ATR: variants seen among roughly 807,000 people sequenced by gnomAD.
ATR encodes the protein serine/threonine-protein kinase ATR.
ATR carries 142 observed loss-of-function variants against 305.3 expected under a neutral mutation model. The observed-to-expected ratio is 0.47, with a 90% confidence interval of 0.41 to 0.53. The LOEUF (loss-of-function observed/expected upper bound fraction) is 0.53. Ranked by LOEUF, ATR falls within the 20% of genes least tolerant of loss-of-function variation. The pLI is 0.00. For missense variants in ATR, 2,135 were observed against 3,133.1 expected, an observed-to-expected ratio of 0.68 and a Z score of 7.60; for synonymous variants, 1,050 against 1,068.1, an observed-to-expected ratio of 0.98 and a Z score of 0.33.
chr3:142,462,690 G>A (rs1407589609), intron 41 of ATR, among the ~76,000 whole-genome samples: 1 of 152,002 alleles, frequency 6.6e-6, no homozygotes, highest in East Asian at 1.9e-4. Context: ...GGATGGTCTC[G>A]ATCTCCTGAC....
intron 29 of ATR, among the ~76,000 whole-genome samples, chr3:142,504,189 G>A (rs528948880): frequency 6.6e-6 from 1 of 152,220 alleles, no homozygotes; most frequent in South Asian, 2.1e-4. Flanking sequence ...TAGACACACA[G>A]CTTATTCCCA....
At chr3:142,485,609 A>C (rs2030865370) in intron 35 of ATR, among the ~76,000 whole-genome samples, 1 of 152,112 alleles carries the variant, frequency 6.6e-6, no homozygotes, top group Non-Finnish European at 1.5e-5. Context: ...ATTTTTTTAT[A>C]CATATATATG....
intron 36 of ATR, among the ~76,000 whole-genome samples, chr3:142,472,741 G>A (rs559791356): frequency 6.6e-6 from 1 of 152,182 alleles, no homozygotes; most frequent in Admixed American, 6.5e-5. Context: ...AGGCTAAAGT[G>A]ATGCCCCTGC....
chr3:142,505,151 T>C lies in ATR; in HGVS notation c.5184A>G (p.Leu1728=), dbSNP rs1050996774. Reference sequence around the variant, plus strand: ...ATTATTATCTTACCTGGTCTGGTTCTAGCTGAATAGCCCTGTCATAACAAG... The same window carrying C: ...ATTATTATCTTACCTGGTCTGGTTCCAGCTGAATAGCCCTGTCATAACAAG... ...ATACYDRAIQ[L]EPDQIIHYHG... is the part of the protein sequence containing the mutation. The change falls in exon 29 of 47, where the codon CTA becomes CTG. Residue 1728 remains leucine, a synonymous_variant. Transcript: ENST00000350721. The C allele has an allele frequency of 2.5e-6, 4 of 1,614,088 alleles. No homozygotes were observed. The highest frequency in any genetic ancestry group is 2.2e-5 in the East Asian group (1 of 44,884).
intron 1 of ATR, among the ~76,000 whole-genome samples, chr3:142,573,076 C>T (rs1354423661): frequency 1.3e-5 from 2 of 152,198 alleles, no homozygotes; most frequent in Non-Finnish European, 2.9e-5. Context: ...GCCTCTGCTA[C>T]ATCACCTAGA....
chr3:142,497,026 T>C lies in ATR; in HGVS notation c.5725A>G (p.Ser1909Gly). The C allele has an allele frequency of 6.2e-7, 1 of 1,612,704 alleles. No individual in the cohort carries two copies. Among genetic ancestry groups the C allele is most frequent in the Non-Finnish European group, 8.5e-7 (1 of 1,179,668 alleles). Reference sequence around the variant, plus strand: ...AGTGTGAGAAACCTTTTGTTGAGGCTTAGTAAAGCCCTCCGGAGAGCCAGG... The same window carrying C: ...AGTGTGAGAAACCTTTTGTTGAGGCCTAGTAAAGCCCTCCGGAGAGCCAGG... ...PILALRRALL[S>G]LNKRPDYNEM... The change falls in exon 33 of 47, where the codon AGC (serine) becomes GGC (glycine). Residue 1909 changes from serine (S) to glycine (G), a missense_variant. By Grantham distance (56) the Ser-to-Gly change is moderately conservative. Coordinates refer to ENST00000350721, the MANE Select transcript of ATR (RefSeq NM_001184.4).
Position 142,453,333 on chromosome 3 carries a change from C to T in ATR, c.7656-100G>A, listed in dbSNP as rs1416047996. On this transcript the variant is annotated intron_variant, in intron 45 of 46. Coordinates refer to ENST00000350721, the MANE Select transcript of ATR (RefSeq NM_001184.4). ...GAAGGATGAGAAGCTAATGGTAATA[C>T]TCTTATAATACACATTACTACGTCT... The T allele has an allele frequency of 1.9e-5, 26 of 1,368,598 alleles. 1 individual carries two copies. The South Asian group carries it at 2.8e-4, about 15-fold the overall frequency. 84.8% of individuals were successfully genotyped at this position (1,368,598 alleles called of 1,614,324 possible). A position where few individuals can be genotyped will look rare whatever the true frequency, so the allele number is the denominator to read the frequency against.
intron 42 of ATR, 57 bp from the exon 43 acceptor site, chr3:142,459,440 GT>G (rs928544213): frequency 5.2e-5 from 82 of 1,586,684 alleles, no homozygotes; most frequent in Non-Finnish European, 6.1e-5. Context: ...AAGGGGCAAA[GT>G]TTTTTTTGTT....
intron 15 of ATR, 51 bp from the exon 16 acceptor site, chr3:142,547,961 G>A (rs1455264989): frequency 2.7e-6 from 4 of 1,490,236 alleles, no homozygotes; most frequent in Non-Finnish European, 3.7e-6. Context: ...CTAATATCCT[G>A]GAAATAAGTA....
intron 5 of ATR, among the ~76,000 whole-genome samples, 157 bp downstream of exon 5, chr3:142,561,086 T>C (rs2034862376): frequency 6.6e-6 from 1 of 152,254 alleles, no homozygotes; most frequent in Admixed American, 6.5e-5. Flanking sequence ...ACTAACCGTC[T>C]ACAATAATTA....
chr3:142,561,683 T>G (rs541139663), intron 4 of ATR, among the ~76,000 whole-genome samples: 2 of 152,306 alleles, frequency 1.3e-5, no homozygotes, highest in East Asian at 3.9e-4. Flanking sequence ...AAATTTTAAT[T>G]CCCTTATAAA....
At chr3:142,457,425 A>T (rs1012200302) in intron 45 of ATR, among the ~76,000 whole-genome samples, 179 bp downstream of exon 45, 4 of 152,208 alleles carry the variant, frequency 2.6e-5, no homozygotes, top group Admixed American at 2.6e-4. Context: ...AAACCACTGA[A>T]TTATGTACTT....
intron 28 of ATR, among the ~76,000 whole-genome samples, chr3:142,506,389 C>G (rs2032237487): frequency 6.6e-6 from 1 of 152,076 alleles, no homozygotes; most frequent in Non-Finnish European, 1.5e-5. Flanking sequence ...AGGAAGAAAT[C>G]CTTCCTTAAA....
intron 36 of ATR, among the ~76,000 whole-genome samples, chr3:142,473,831 G>A (rs1003540963): frequency 7.2e-5 from 11 of 151,754 alleles, no homozygotes; most frequent in Admixed American, 6.6e-5. Flanking sequence ...GAGCCACCAC[G>A]CCCGGCCAGC....
rs1180261528 is a variant in ATR at position 142,451,202 on chromosome 3, C to CT, written c.7762-1601_7762-1600insA. 5.1e-6 allele frequency: 6 copies of CT among 1,186,008 alleles called. No individual in the cohort carries two copies. The African/African-American group carries it at 9.7e-5, about 19-fold the overall frequency. 73.5% of individuals were successfully genotyped at this position (1,186,008 alleles called of 1,614,324 possible). A position where few individuals can be genotyped will look rare whatever the true frequency, so the allele number is the denominator to read the frequency against. On this transcript the variant is annotated intron_variant, in intron 46 of 46. Coordinates refer to ENST00000350721, the MANE Select transcript of ATR (RefSeq NM_001184.4). ...CTTCAACTTGTTGGGGATCGAGGTGCAGTACCACCTGATGCTGCACATCCA... is the reference window on the plus strand; with the variant it reads ...CTTCAACTTGTTGGGGATCGAGGTGCTAGTACCACCTGATGCTGCACATCCA...
chr3:142,451,368 T>C, intron 46 of ATR: 1 of 1,383,358 alleles, frequency 7.2e-7, no homozygotes, highest in Non-Finnish European at 9.5e-7. Flanking sequence ...AGGTGTGTTT[T>C]ACATACATAA....
chr3:142,464,290 T>G (rs1243745391), intron 41 of ATR, among the ~76,000 whole-genome samples: 1 of 152,130 alleles, frequency 6.6e-6, no homozygotes, highest in East Asian at 1.9e-4. Context: ...CATGCCTGGC[T>G]AATTTTTTTT....
At chr3:142,515,244 T>G in intron 25 of ATR, 151 bp downstream of exon 25, 1 of 1,006,062 alleles carries the variant, frequency 9.9e-7, no homozygotes, top group Non-Finnish European at 1.4e-6. Context: ...GAGAAATTAT[T>G]ATTCTCTATT....
chr3:142,513,496 C>T lies in ATR; in HGVS notation c.4641+5G>A. On this transcript the variant is annotated splice_donor_5th_base_variant and intron_variant, in intron 26 of 46. Transcript: ENST00000350721. The stretch of plus-strand genomic sequence containing the variant: ...TCAAAAACCAAGTAAGATGATTTAT[C>T]TCACCTCCTGCTGATCTTCTTGATT... 1 of 1,613,228 alleles carries T rather than the reference C, an allele frequency of 6.2e-7. No homozygotes were observed. Among genetic ancestry groups the T allele is most frequent in the East Asian group, 2.2e-5 (1 of 44,722 alleles).
Sources: gnomAD v4.1 joint callset for allele counts (sites outside exome capture counted in the v4.1 genomes callset) on GRCh38, gnomAD v4.1.1 for gene constraint, MANE v1.5 for transcripts, NCBI Gene and HGNC (gene_info 2026-07-23, HGNC 2026-07-21) for gene names.